Variants in MYL3 observed in about 807,000 individuals in gnomAD.
MYL3 encodes CMLC1.
A neutral mutation model predicts 21.3 loss-of-function variants in MYL3; 11 were observed. The observed-to-expected ratio is 0.52, with a 90% CI of 0.32 to 0.85. The LOEUF (loss-of-function observed/expected upper bound fraction) is 0.85. Among genes scored for constraint, MYL3 ranks in the 40% least tolerant of loss-of-function variants. The pLI is 0.03. For synonymous variants in MYL3, 88 were observed against 91.6 expected (o/e 0.96, Z 0.22); for missense variants, 206 against 253.3 (o/e 0.81, Z 1.27).
chr3:46,872,048 G>A (rs1352814139), intron 1 of MYL3, among the ~76,000 whole-genome samples: 2 of 152,202 alleles, frequency 1.3e-5, no homozygotes, highest in East Asian at 3.8e-4. Flanking sequence ...GTTCACACCT[G>A]CACAGTGGGG....
chr3:46,876,158 G>A (rs1457217742), intron 1 of MYL3, among the ~76,000 whole-genome samples: 1 of 152,246 alleles, frequency 6.6e-6, no homozygotes, highest in African/African-American at 2.4e-5. Context: ...GTTAACAACA[G>A]ATCAGGAAAC....
At chr3:46,880,560 T>G (rs966973528) in intron 1 of MYL3, among the ~76,000 whole-genome samples, 11 of 152,012 alleles carry the variant, frequency 7.2e-5, no homozygotes, top group Non-Finnish European at 1.2e-4. Context: ...GTCAACATGG[T>G]GAAACCCCGT....
In MYL3 at chr3:46,860,982, C is replaced by T. The variant is rs1701987162; in HGVS notation, c.135G>A (p.Glu45=). The T allele has an allele frequency of 1.2e-6, 2 of 1,614,042 alleles. No individual in the cohort carries two copies. Among genetic ancestry groups the T allele is most frequent in the East Asian group, 4.5e-5 (2 of 44,888 alleles). ...CACCTTCAATCTGCTCAGGTGTGAA[C>T]TCAATCTGAAAAGAGACCCCAAAGA... is the stretch of plus-strand genomic sequence containing the variant. The part of the protein sequence containing the change: ...VEFDASKIKI[E]FTPEQIEEFK... Residue 45 remains glutamate (E), a synonymous_variant, in exon 2 of 7, where the codon GAG becomes GAA. Coordinates refer to ENST00000292327, the MANE Select transcript of MYL3 (RefSeq NM_000258.3). The surrounding 1 kb of genome is among the most constrained non-coding windows in gnomAD (Gnocchi z 4.6).
rs1701988109 is a variant in MYL3, at chr3:46,861,079, C to T, written c.130-92G>A. 2.8e-6 allele frequency: 4 copies of T among 1,411,904 alleles called. No individual in the cohort carries two copies. Among genetic ancestry groups the T allele is most frequent in the Admixed American group, 1.7e-5 (1 of 57,492 alleles). The allele number at this position is 1,411,904 out of a possible 1,614,324, so 87.5% of individuals were successfully genotyped here. A position where few individuals can be genotyped will look rare whatever the true frequency, so the allele number is the denominator to read the frequency against. On this transcript the variant is annotated intron_variant, in intron 1 of 6. Coordinates refer to ENST00000292327, the MANE Select transcript of MYL3 (RefSeq NM_000258.3). The surrounding 1 kb of genome is among the most constrained non-coding windows in gnomAD (Gnocchi z 4.2). ...CTCGGTGGCCAGCCCAGAATGTCAA[C>T]TGTCTCAGCCTGTCCCATTCCAGCA...
chr3:46,864,988 T>C (rs1007234218), upstream of MYL3, among the ~76,000 whole-genome samples: 18 of 152,210 alleles, frequency 1.2e-4, no homozygotes, highest in African/African-American at 4.3e-4. This position sits in a 1 kb window ranked among gnomAD's most constrained non-coding sequence, Gnocchi z 4.7. Flanking sequence ...TCCTGGTTAC[T>C]TTTAAGTGCC....
Position 46,863,276 on chromosome 3 carries a change from C to T in MYL3, c.115G>A (p.Ala39Thr). 5 of 1,614,178 alleles carry T rather than the reference C, an allele frequency of 3.1e-6. No homozygotes were observed. Among genetic ancestry groups the T allele is most frequent in the Non-Finnish European group, 4.2e-6 (5 of 1,180,036 alleles). Reference protein sequence around the residue: ...PERPKEVEFDASKIKIEFTPE... With the variant: ...PERPKEVEFDTSKIKIEFTPE... ...TCCATACCCACCTTGATCTTGGAAG[C>T]ATCAAACTCGACCTCCTTAGGGCGC... The change falls in exon 1 of 7, where the codon GCT becomes ACT. Residue 39 changes from alanine to threonine, a missense_variant. Ala to Thr is a moderately conservative substitution (Grantham distance 58). Transcript: ENST00000292327.
At chr3:46,873,641 T>C (rs1024853851) in intron 1 of MYL3, among the ~76,000 whole-genome samples, 2 of 152,166 alleles carry the variant, frequency 1.3e-5, no homozygotes, top group African/African-American at 4.8e-5. Context: ...GAGCCAGCTG[T>C]GCTGAGAGAG....
chr3:46,876,681 G>A (rs140522020), intron 1 of MYL3, among the ~76,000 whole-genome samples: 1 of 152,222 alleles, frequency 6.6e-6, no homozygotes, highest in African/African-American at 2.4e-5. Flanking sequence ...GGGGGCCCTA[G>A]GAATGTGCCC....
At position 46,857,991 on chromosome 3, in the gene MYL3, GT is replaced by G; in HGVS notation, c.*123del. On this transcript the variant is annotated 3_prime_UTR_variant, in exon 7 of 7. Transcript: ENST00000292327. This position sits in a 1 kb window ranked among gnomAD's most constrained non-coding sequence, Gnocchi z 5.0. The stretch of plus-strand genomic sequence containing the variant: ...GGCAACCACGTGGAGAGGTCCAAGG[GT>G]TTTTGCAGGAGTCTTGGTAAGGCTC... 1 of 588,808 alleles carries G rather than the reference GT, an allele frequency of 1.7e-6. No individual in the cohort carries two copies. The highest frequency in any genetic ancestry group is 1.9e-5 in the South Asian group (1 of 51,462). 36.5% of individuals were successfully genotyped at this position (588,808 alleles called of 1,614,324 possible). A position where few individuals can be genotyped will look rare whatever the true frequency, so the allele number is the denominator to read the frequency against.
At chr3:46,872,351 G>A (rs995927041) in intron 1 of MYL3, among the ~76,000 whole-genome samples, 1 of 152,170 alleles carries the variant, frequency 6.6e-6, no homozygotes, top group African/African-American at 2.4e-5. Context: ...TCCATCCAAA[G>A]GGAGGCCCTG....
At chr3:46,873,961 C>T (rs1337106773) in intron 1 of MYL3, among the ~76,000 whole-genome samples, 1 of 152,148 alleles carries the variant, frequency 6.6e-6, no homozygotes, top group Non-Finnish European at 1.5e-5. Context: ...AGCCACCTCC[C>T]GTTAAGCCCA....
chr3:46,858,798 G>A (rs1392525215), intron 4 of MYL3, among the ~76,000 whole-genome samples: 1 of 152,172 alleles, frequency 6.6e-6, no homozygotes, highest in Non-Finnish European at 1.5e-5. Context: ...GGGATCTTGG[G>A]AGAGGGTGGT....
At chr3:46,868,359 C>T (rs1451447600), upstream of MYL3, among the ~76,000 whole-genome samples, 3 of 152,174 alleles carry the variant, frequency 2.0e-5, no homozygotes, top group Admixed American at 2.0e-4. Context: ...CTCACTACCC[C>T]CACACCACAC....
At chr3:46,871,153 G>A (rs1458543740) in intron 1 of MYL3, among the ~76,000 whole-genome samples, 2 of 152,146 alleles carry the variant, frequency 1.3e-5, no homozygotes, top group African/African-American at 4.8e-5. Flanking sequence ...GAACACCCAG[G>A]TATAATTTCC....
At chr3:46,875,020 C>T (rs2030135419) in intron 1 of MYL3, among the ~76,000 whole-genome samples, 1 of 152,130 alleles carries the variant, frequency 6.6e-6, no homozygotes, top group Non-Finnish European at 1.5e-5. Flanking sequence ...GGAGAGAGTC[C>T]ACTCTAACCC....
In MYL3 at chr3:46,859,339, T is replaced by A; in HGVS notation, c.481+136A>T. On this transcript the variant is annotated intron_variant, in intron 4 of 6. Transcript: ENST00000292327. This position sits in a 1 kb window ranked among gnomAD's most constrained non-coding sequence, Gnocchi z 4.1. ...ACTCTCCTCCTAAGTAACATTTCTG[T>A]TGTCTGCCATTGAGGCTCCCTAATT... 1 of 1,109,104 alleles carries A rather than the reference T, an allele frequency of 9.0e-7. No homozygotes were observed. The highest frequency in any genetic ancestry group is 1.4e-5 in the South Asian group (1 of 72,488). The allele number at this position is 1,109,104 out of a possible 1,614,324, so 68.7% of individuals were successfully genotyped here. A position where few individuals can be genotyped will look rare whatever the true frequency, so the allele number is the denominator to read the frequency against.
upstream of MYL3, chr3:46,863,480 G>A (rs372094875): frequency 6.6e-4 from 940 of 1,426,524 alleles, 14 homozygotes; most frequent in South Asian, 0.01. Context: ...TATCCTGCCC[G>A]GATACCTCAT....
intron 1 of MYL3, among the ~76,000 whole-genome samples, chr3:46,873,168 G>C (rs1036752569): frequency 1.3e-5 from 2 of 152,242 alleles, no homozygotes; most frequent in Non-Finnish European, 2.9e-5. Context: ...TGCAGATCCA[G>C]GAAGGCTTCA....
At chr3:46,863,752 G>A (rs1276438305), upstream of MYL3, among the ~76,000 whole-genome samples, 1 of 152,162 alleles carries the variant, frequency 6.6e-6, no homozygotes, top group Non-Finnish European at 1.5e-5. Flanking sequence ...GGGCCCTGCT[G>A]CCTCTCTGCA....
Sources: gnomAD v4.1 joint callset for allele counts (sites outside exome capture counted in the v4.1 genomes callset) on GRCh38, gnomAD v4.1.1 for gene constraint, Gnocchi (gnomAD v3.1) non-coding constraint, MANE v1.5 for transcripts, NCBI Gene and HGNC (gene_info 2026-07-23, HGNC 2026-07-21) for gene names.